ARHGEF18: variants seen among roughly 807,000 people sequenced by gnomAD.
The protein encoded by ARHGEF18 is rho guanine nucleotide exchange factor 18.
In ARHGEF18, 93 loss-of-function variants were observed where a neutral mutation model predicts 155.7. The observed-to-expected ratio is 0.60, with a 90% CI of 0.50 to 0.71. ARHGEF18 has a LOEUF of 0.71. Ranked by LOEUF, ARHGEF18 falls within the 30% of genes least tolerant of loss-of-function variation. The probability of loss-of-function intolerance (pLI) is 0.00; values close to 1 mark genes in which losing one functional copy is unlikely to be tolerated. For missense variants in ARHGEF18, 1,593 were observed against 1,816.1 expected (o/e 0.88, Z 2.23); for synonymous variants, 742 against 753.1 (o/e 0.99, Z 0.24).
chr19:7,422,973 C>A (rs1973451662), intron 10 of ARHGEF18, among the ~76,000 whole-genome samples: 1 of 152,132 alleles, frequency 6.6e-6, no homozygotes, highest in Non-Finnish European at 1.5e-5. Flanking sequence ...CCCATCTTGG[C>A]CTCCCAAAGT....
At chr19:7,452,124 C>A (rs1277345098) in intron 16 of ARHGEF18, among the ~76,000 whole-genome samples, 1 of 152,234 alleles carries the variant, frequency 6.6e-6, no homozygotes, top group African/African-American at 2.4e-5. Flanking sequence ...GCCCCTAGCA[C>A]AGGCTGGGCC....
At chr19:7,371,651 T>A (rs1970209755) in intron 2 of ARHGEF18, among the ~76,000 whole-genome samples, 2 of 151,880 alleles carry the variant, frequency 1.3e-5, no homozygotes, top group Non-Finnish European at 2.9e-5. Context: ...TGAAACACCA[T>A]CTCCACTAAA....
At chr19:7,452,453 AATTTATTTATTT>A (rs370557521) in intron 16 of ARHGEF18, among the ~76,000 whole-genome samples, 1 of 151,858 alleles carries the variant, frequency 6.6e-6, no homozygotes, top group South Asian at 2.1e-4. Flanking sequence ...GAGGGAATCT[AATTTATTTATTT>A]ATTTATTTAT....
intron 10 of ARHGEF18, chr19:7,439,684 G>A (rs1358523075): frequency 1.7e-6 from 2 of 1,212,048 alleles, no homozygotes; most frequent in Non-Finnish European, 2.1e-6. Flanking sequence ...GACCAGGGGC[G>A]GCTAAACACC....
At chr19:7,416,997 C>A (rs1485588798) in intron 10 of ARHGEF18, among the ~76,000 whole-genome samples, 1 of 151,946 alleles carries the variant, frequency 6.6e-6, no homozygotes, top group African/African-American at 2.4e-5. Flanking sequence ...GCAGCCTTTG[C>A]CTCCCAGGTT....
Position 7,411,572 on chromosome 19 carries a change from G to C in ARHGEF18, c.967+28369G>C, listed in dbSNP as rs577938923. On this transcript the variant is annotated intron_variant, in intron 10 of 28. Transcript: ENST00000668164. Reference sequence around the variant, plus strand: ...TCTGCCCACCTCGGCCTCCCAAAGTGCTGGGATGACAGGTGTCAGCCACCG... The same window carrying C: ...TCTGCCCACCTCGGCCTCCCAAAGTCCTGGGATGACAGGTGTCAGCCACCG... Among the ~76,000 whole-genome samples the C allele has an allele frequency of 2.0e-5, 3 of 152,272 alleles. No individual in the cohort carries two copies. In the South Asian group the frequency reaches 6.2e-4, roughly 32 times the overall value.
At chr19:7,427,144 A>G (rs766744154) in intron 10 of ARHGEF18, among the ~76,000 whole-genome samples, 4 of 152,182 alleles carry the variant, frequency 2.6e-5, no homozygotes, top group Admixed American at 6.5e-5. Flanking sequence ...ACCTGCCAGG[A>G]AAGGCGCACA....
At chr19:7,426,191 A>C (rs1418526595) in intron 10 of ARHGEF18, among the ~76,000 whole-genome samples, 2 of 152,010 alleles carry the variant, frequency 1.3e-5, no homozygotes, top group African/African-American at 4.8e-5. Flanking sequence ...AAAAGAAAAA[A>C]AGCAGCAAAG....
intron 5 of ARHGEF18, among the ~76,000 whole-genome samples, chr19:7,378,174 A>ACTCACGT (rs1970550962): frequency 6.6e-6 from 1 of 152,082 alleles, no homozygotes; most frequent in African/African-American, 2.4e-5. Flanking sequence ...CACGTAAAGC[A>ACTCACGT]CTTAGTAGGT....
chr19:7,466,854 G>GAAA (rs1976653253), intron 23 of ARHGEF18, 64 bp from the exon 24 acceptor site: 1 of 1,114,668 alleles, frequency 9.0e-7, no homozygotes. Context: ...AGAAGAAGAA[G>GAAA]GCTTGAGTCT....
At chr19:7,432,183 C>T (rs1054772433) in intron 10 of ARHGEF18, among the ~76,000 whole-genome samples, 2 of 152,072 alleles carry the variant, frequency 1.3e-5, no homozygotes, top group Non-Finnish European at 2.9e-5. Context: ...ATCTTCTCAT[C>T]GATTTAGTCT....
At chr19:7,368,862 G>T (rs1970062385) in intron 2 of ARHGEF18, among the ~76,000 whole-genome samples, 1 of 152,128 alleles carries the variant, frequency 6.6e-6, no homozygotes, top group South Asian at 2.1e-4. Context: ...TAGAGCTGTG[G>T]CTCTTTAGAA....
Position 7,362,283 on chromosome 19 carries a change from AGAG to A in ARHGEF18, c.-110-489_-110-487del, listed in dbSNP as rs151252932. 5.3e-3 allele frequency among the ~76,000 whole-genome samples: 802 copies of A among 150,950 alleles called. 32 individuals carry two copies. In the East Asian group the frequency reaches 0.1, roughly 19 times the overall value. The stretch of plus-strand genomic sequence containing the variant: ...AAGAAAGGAAGAAGGAAGGAGAAGA[AGAG>A]GAGGAGGAAGAAGGAGAAGGAGGAA... On this transcript the variant is annotated intron_variant, in intron 1 of 28. Coordinates refer to ENST00000668164, the MANE Select transcript of ARHGEF18 (RefSeq NM_001367823.1).
downstream of ARHGEF18, chr19:7,477,347 T>C (rs751413164): frequency 7.7e-6 from 12 of 1,559,170 alleles, no homozygotes; most frequent in African/African-American, 1.5e-4. Flanking sequence ...GTGCACGGCG[T>C]TGGCCAGGTC....
downstream of ARHGEF18, chr19:7,477,410 G>GC (rs1357760557): frequency 6.7e-7 from 1 of 1,489,610 alleles, no homozygotes; most frequent in Non-Finnish European, 8.9e-7. Flanking sequence ...CGCCTCCATG[G>GC]CCCTCCGCTT....
rs1190628749 is a variant in ARHGEF18, at chr19:7,467,684, G to A, written c.3480G>A (p.Glu1160=). ...PGALPPDTLA[E]AQPPSHPPSF... Reference sequence around the variant, plus strand: ...CGCTGCCGCCCGACACACTGGCCGAGGTGAGCGCGCAGCAGCCAGTGTGCG... The same window carrying A: ...CGCTGCCGCCCGACACACTGGCCGAAGTGAGCGCGCAGCAGCCAGTGTGCG... The change falls in exon 26 of 29, where the codon GAG becomes GAA. Residue 1160 remains glutamate, a splice_region_variant and synonymous_variant. Transcript: ENST00000668164. The A allele has an allele frequency of 3.3e-6, 5 of 1,495,432 alleles. No individual in the cohort carries two copies. In the Admixed American group the frequency reaches 9.2e-5, roughly 28 times the overall value. The allele number at this position is 1,495,432 out of a possible 1,614,324, so 92.6% of individuals were successfully genotyped here. A position where few individuals can be genotyped will look rare whatever the true frequency, so the allele number is the denominator to read the frequency against.
At chr19:7,414,596 G>A (rs1972886243) in intron 10 of ARHGEF18, among the ~76,000 whole-genome samples, 6 of 151,954 alleles carry the variant, frequency 3.9e-5, no homozygotes. Flanking sequence ...GGATCACAAG[G>A]TCAAGAGATC....
At chr19:7,365,373 G>C (rs1261550834) in intron 2 of ARHGEF18, among the ~76,000 whole-genome samples, 2 of 152,280 alleles carry the variant, frequency 1.3e-5, no homozygotes, top group South Asian at 4.1e-4. Flanking sequence ...ATTGCAGTGA[G>C]CCAAGATCAC....
intron 10 of ARHGEF18, among the ~76,000 whole-genome samples, chr19:7,412,496 C>T (rs1342368805): frequency 6.6e-6 from 1 of 151,200 alleles, no homozygotes; most frequent in Non-Finnish European, 1.5e-5. Flanking sequence ...AATCCCAGCA[C>T]TTTGGGAGAC....
Sources: gnomAD v4.1 joint callset for allele counts (sites outside exome capture counted in the v4.1 genomes callset) on GRCh38, gnomAD v4.1.1 for gene constraint, MANE v1.5 for transcripts, NCBI Gene and HGNC (gene_info 2026-07-23, HGNC 2026-07-21) for gene names.